The following IQSEC1 variants were observed in gnomAD, a reference collection of about 807,000 sequenced individuals.
IQSEC1 encodes the protein IQ motif and SEC7 domain-containing protein 1.
Under a neutral mutation model 91.0 loss-of-function variants are expected in IQSEC1, and 31 were observed. That is an observed-to-expected ratio of 0.34 (90% CI 0.26 to 0.46). The LOEUF is 0.46. IQSEC1 is among the 20% of genes least tolerant of loss of function. The pLI, the probability that IQSEC1 is intolerant of heterozygous loss-of-function variation, is 1.00. For missense variants in IQSEC1, 1,388 were observed against 1,575.6 expected (o/e 0.88, Z 2.02); for synonymous variants, 699 against 662.6 (o/e 1.05, Z -0.84).
chr3:13,041,084 G>A (rs1476818942), intron 1 of IQSEC1, among the ~76,000 whole-genome samples: 2 of 152,132 alleles, frequency 1.3e-5, no homozygotes, highest in East Asian at 1.9e-4. Context: ...GCTCACCTGC[G>A]CACAGGGGCT....
chr3:13,072,969 A>G, intron 1 of IQSEC1, 23 bp downstream of exon 1: 1 of 1,550,510 alleles, frequency 6.4e-7, no homozygotes, highest in Non-Finnish European at 8.7e-7. Flanking sequence ...GGCTTCAGGC[A>G]GAAACCTGCC....
intron 2 of IQSEC1, among the ~76,000 whole-genome samples, chr3:13,085,662 T>TG (rs1705723949): frequency 6.6e-6 from 1 of 152,142 alleles, no homozygotes; most frequent in African/African-American, 2.4e-5. Context: ...CTAGTGGTTG[T>TG]GACAGAATAG....
intron 2 of IQSEC1, among the ~76,000 whole-genome samples, chr3:13,091,587 G>T (rs1705862182): frequency 6.6e-6 from 1 of 152,286 alleles, no homozygotes; most frequent in South Asian, 2.1e-4. Context: ...GCAGGGGCTG[G>T]GGTGTGAAAG....
At chr3:13,157,034 G>A (rs578236245) in intron 2 of IQSEC1, among the ~76,000 whole-genome samples, 3 of 152,326 alleles carry the variant, frequency 2.0e-5, no homozygotes, top group South Asian at 4.1e-4. Flanking sequence ...GGGAATTTGA[G>A]TCATTTGACC....
chr3:13,024,941 G>T (rs1419587656), intron 1 of IQSEC1, among the ~76,000 whole-genome samples: 2 of 152,204 alleles, frequency 1.3e-5, no homozygotes, highest in East Asian at 3.8e-4. Context: ...TGCCCTCCAG[G>T]CTGTGATGAG....
chr3:12,935,794 G>T lies in IQSEC1; in HGVS notation c.1222C>A (p.Pro408Thr). The change falls in exon 3 of 14, where the codon CCC becomes ACC. Residue 408 changes from proline to threonine, a missense_variant. Coordinates refer to ENST00000613206, the MANE Select transcript of IQSEC1 (RefSeq NM_001134382.3). This position sits in a 1 kb window ranked among gnomAD's most constrained non-coding sequence, Gnocchi z 8.0. ...GGQQGSPKHGPHSGAPKSLPR... is the reference protein window; with the variant it reads ...GGQQGSPKHGTHSGAPKSLPR... ...AGGCTCTTGGGGGCGCCGCTGTGGG[G>T]ACCATGCTTGGGACTGCCCTGCTGC... 1.2e-6 allele frequency: 2 copies of T among 1,607,626 alleles called. No homozygotes were observed. The highest frequency in any genetic ancestry group is 1.7e-6 in the Non-Finnish European group (2 of 1,179,846).
At position 12,983,888 on chromosome 3, in the gene IQSEC1, C is replaced by T. The variant is rs752153300; in HGVS notation, c.24-42023G>A. On this transcript the variant is annotated intron_variant, in intron 1 of 13. Transcript: ENST00000613206. This position sits in a 1 kb window ranked among gnomAD's most constrained non-coding sequence, Gnocchi z 4.3. ...TGCCCAGCTCATGTATGTCCCTGTC[C>T]CCAAATCCACATGCCTTTAAAAATA... 6.6e-6 allele frequency among the ~76,000 whole-genome samples: 1 copy of T among 152,156 alleles called. No individual in the cohort carries two copies.
chr3:13,053,090 T>C (rs1469272983), intron 1 of IQSEC1: 2 of 981,502 alleles, frequency 2.0e-6, no homozygotes, highest in Non-Finnish European at 1.6e-6. Flanking sequence ...TGGCCAGGAA[T>C]CGCTTACTCC....
chr3:13,121,447 T>C (rs1026890855), intron 2 of IQSEC1, among the ~76,000 whole-genome samples: 28 of 152,036 alleles, frequency 1.8e-4, no homozygotes, highest in African/African-American at 6.0e-4. Context: ...GGTGGTTATC[T>C]GCTGAGTGAG....
chr3:13,181,968 A>T (rs767143410), intron 1 of IQSEC1, among the ~76,000 whole-genome samples: 13 of 152,222 alleles, frequency 8.5e-5, no homozygotes, highest in Non-Finnish European at 1.8e-4. Flanking sequence ...ACCTACAGTG[A>T]TGGCCAGTAA....
intron 1 of IQSEC1, among the ~76,000 whole-genome samples, chr3:13,188,396 G>A (rs1693968611): frequency 6.6e-6 from 1 of 152,146 alleles, no homozygotes; most frequent in African/African-American, 2.4e-5. Flanking sequence ...GGAGGATCAC[G>A]GTAAGAGTCA....
chr3:13,277,002 G>A (rs1443460380), intron 1 of IQSEC1, among the ~76,000 whole-genome samples: 1 of 151,154 alleles, frequency 6.6e-6, no homozygotes, highest in Non-Finnish European at 1.5e-5. Flanking sequence ...ATGCCTGGCT[G>A]GCCTGTGTTG....
intron 1 of IQSEC1, among the ~76,000 whole-genome samples, chr3:12,947,696 C>A (rs891785383): frequency 5.9e-5 from 9 of 152,168 alleles, no homozygotes; most frequent in African/African-American, 2.2e-4. Context: ...CCAGAGAGCA[C>A]GTAAGGGCCT....
chr3:13,035,604 G>A (rs1346756693), intron 1 of IQSEC1, among the ~76,000 whole-genome samples: 2 of 152,212 alleles, frequency 1.3e-5, no homozygotes, highest in Admixed American at 6.5e-5. Context: ...ACCCCAGGAT[G>A]CTGAGGGTTA....
At chr3:13,171,780 C>T (rs1472566972) in intron 1 of IQSEC1, among the ~76,000 whole-genome samples, 1 of 152,168 alleles carries the variant, frequency 6.6e-6, no homozygotes, top group Admixed American at 6.5e-5. Context: ...CTCCCTGGGG[C>T]CAGAGCTCAG....
intron 2 of IQSEC1, among the ~76,000 whole-genome samples, chr3:13,118,634 G>A (rs1706374171): frequency 1.3e-5 from 2 of 152,214 alleles, no homozygotes; most frequent in Non-Finnish European, 2.9e-5. Context: ...AAGTAGAATG[G>A]TGCTTGCCAA....
chr3:13,091,679 C>G (rs906670375), intron 2 of IQSEC1, among the ~76,000 whole-genome samples: 1 of 152,238 alleles, frequency 6.6e-6, no homozygotes, highest in Non-Finnish European at 1.5e-5. Context: ...CCCCCGCTGA[C>G]CTGTCTGTTC....
intron 2 of IQSEC1, among the ~76,000 whole-genome samples, chr3:13,119,760 G>A (rs551716951): frequency 4.6e-5 from 7 of 152,334 alleles, no homozygotes; most frequent in Admixed American, 1.3e-4. Context: ...GGATGACACC[G>A]AAGCCAAGGA....
intron 2 of IQSEC1, among the ~76,000 whole-genome samples, chr3:13,163,942 A>G (rs1181272656): frequency 1.3e-5 from 2 of 152,162 alleles, no homozygotes; most frequent in Non-Finnish European, 1.5e-5. Flanking sequence ...TCTGCAGATC[A>G]TGCCCAGGCC....
Sources: allele counts gnomAD v4.1 joint callset (sites outside exome capture counted in the v4.1 genomes callset), GRCh38; gene constraint gnomAD v4.1.1; non-coding constraint Gnocchi (gnomAD v3.1); transcripts MANE v1.5; gene names NCBI Gene and HGNC (gene_info 2026-07-23, HGNC 2026-07-21).